CNBD1: variants seen among roughly 807,000 people sequenced by gnomAD.
The protein encoded by CNBD1 is cyclic nucleotide binding domain containing 1.
In CNBD1, 71 loss-of-function variants were observed where a neutral mutation model predicts 54.4. The observed-to-expected ratio is 1.30, with a 90% confidence interval of 1.08 to 1.59. The LOEUF (loss-of-function observed/expected upper bound fraction) is 1.59, where lower values mean the gene tolerates loss of function less well. Ranked by LOEUF, CNBD1 falls within the 40% of genes most tolerant of loss-of-function variation. The probability of loss-of-function intolerance (pLI) is 0.00; values close to 1 mark genes in which losing one functional copy is unlikely to be tolerated. For missense variants in CNBD1, 659 were observed against 518.0 expected, an observed-to-expected ratio of 1.27 and a Z score of -2.64; for synonymous variants, 182 against 170.7, an observed-to-expected ratio of 1.07 and a Z score of -0.51.
At chr8:87,403,665 T>A (rs1807604628) in intron 2 of CNBD1, among the ~76,000 whole-genome samples, 1 of 152,110 alleles carries the variant, frequency 6.6e-6, no homozygotes, top group Non-Finnish European at 1.5e-5. Context: ...AGTAGCTTTT[T>A]TAAAAAAATT....
intron 8 of CNBD1, among the ~76,000 whole-genome samples, chr8:87,324,658 A>G (rs1200847529): frequency 6.6e-6 from 1 of 151,688 alleles, no homozygotes; most frequent in African/African-American, 2.4e-5. Flanking sequence ...TATCCACTTT[A>G]TCATTTTTTA....
chr8:87,339,751 A>G (rs1439465768), intron 8 of CNBD1, among the ~76,000 whole-genome samples: 1 of 152,112 alleles, frequency 6.6e-6, no homozygotes, highest in Admixed American at 6.6e-5. Context: ...CTGTCTATTT[A>G]AAACTGATAA....
At chr8:86,934,416 C>G (rs1413889403) in intron 3 of CNBD1, among the ~76,000 whole-genome samples, 2 of 151,984 alleles carry the variant, frequency 1.3e-5, no homozygotes, top group African/African-American at 4.8e-5. Context: ...TTTGGATATT[C>G]CATATATAAG....
intron 4 of CNBD1, among the ~76,000 whole-genome samples, chr8:87,180,322 T>C (rs1209487073): frequency 6.6e-6 from 1 of 152,190 alleles, no homozygotes; most frequent in East Asian, 1.9e-4. Context: ...TTTTGGAAAA[T>C]ACATATTATA....
intron 6 of CNBD1, among the ~76,000 whole-genome samples, chr8:87,278,117 AG>A (rs1316186444): frequency 6.6e-6 from 1 of 151,648 alleles, no homozygotes; most frequent in African/African-American, 2.4e-5. Flanking sequence ...AAAGTTGATT[AG>A]TAGAACATGT....
At chr8:87,374,432 G>C (rs1042993678) in intron 10 of CNBD1, among the ~76,000 whole-genome samples, 1 of 151,780 alleles carries the variant, frequency 6.6e-6, no homozygotes, top group East Asian at 1.9e-4. Flanking sequence ...CTTAAATCAA[G>C]ATCCTAATAA....
At chr8:87,052,887 A>G (rs1010582180) in intron 4 of CNBD1, among the ~76,000 whole-genome samples, 25 of 152,150 alleles carry the variant, frequency 1.6e-4, no homozygotes, top group African/African-American at 5.3e-4. Flanking sequence ...TTGTAGTAAA[A>G]AGGGAACTTG....
At chr8:87,319,416 C>A (rs1385455229) in intron 8 of CNBD1, among the ~76,000 whole-genome samples, 3 of 152,090 alleles carry the variant, frequency 2.0e-5, no homozygotes, top group Non-Finnish European at 4.4e-5. Flanking sequence ...GAATACAATT[C>A]TCTTCTCCTT....
intron 4 of CNBD1, among the ~76,000 whole-genome samples, chr8:87,001,081 C>T (rs1365525052): frequency 1.3e-5 from 2 of 151,976 alleles, no homozygotes; most frequent in African/African-American, 4.8e-5. Context: ...ATTGGACAGT[C>T]CTTGCTTTCT....
At chr8:86,891,245 A>AT (rs1808764412) in intron 2 of CNBD1, among the ~76,000 whole-genome samples, 1 of 151,994 alleles carries the variant, frequency 6.6e-6, no homozygotes, top group South Asian at 2.1e-4. Context: ...GTATTTAATC[A>AT]TTTTGAGTTT....
At chr8:87,289,134 C>T (rs72666844) in intron 8 of CNBD1, among the ~76,000 whole-genome samples, 10 of 152,124 alleles carry the variant, frequency 6.6e-5, no homozygotes, top group Non-Finnish European at 1.3e-4. Flanking sequence ...GATTTCCAAG[C>T]ATAATTATGT....
At chr8:87,315,179 G>A (rs1272819137) in intron 8 of CNBD1, among the ~76,000 whole-genome samples, 2 of 152,082 alleles carry the variant, frequency 1.3e-5, no homozygotes, top group African/African-American at 4.8e-5. Context: ...AAAGAGAGTA[G>A]GGAAAATAGT....
intron 8 of CNBD1, among the ~76,000 whole-genome samples, chr8:87,304,946 T>C (rs772981107): frequency 8.5e-5 from 13 of 152,078 alleles, no homozygotes; most frequent in Non-Finnish European, 1.5e-4. Context: ...GGCATCCAAA[T>C]TGGTAAAGAG....
chr8:87,186,456 A>G (rs79480792), intron 4 of CNBD1, among the ~76,000 whole-genome samples: 2,257 of 152,188 alleles, frequency 0.015, 23 homozygotes, highest in Middle Eastern at 0.051. Context: ...TCTCTACCCT[A>G]TTCCTAGTTA....
chr8:87,025,192 C>G (rs1348378282), intron 4 of CNBD1, among the ~76,000 whole-genome samples: 1 of 152,070 alleles, frequency 6.6e-6, no homozygotes, highest in Non-Finnish European at 1.5e-5. Flanking sequence ...ATGGACCAAT[C>G]AGCACTCTGT....
chr8:87,138,087 G>A (rs945334147), intron 4 of CNBD1, among the ~76,000 whole-genome samples: 1 of 152,090 alleles, frequency 6.6e-6, no homozygotes, highest in African/African-American at 2.4e-5. Flanking sequence ...TACCAGATAG[G>A]TTAGTTGACC....
intron 1 of CNBD1, among the ~76,000 whole-genome samples, chr8:86,883,677 C>G (rs1256340366): frequency 6.6e-6 from 1 of 151,876 alleles, no homozygotes; most frequent in African/African-American, 2.4e-5. Flanking sequence ...GGTTATTTGA[C>G]TAGAATCTAA....
intron 4 of CNBD1, among the ~76,000 whole-genome samples, chr8:87,029,408 C>G (rs1289451701): frequency 6.6e-6 from 1 of 152,154 alleles, no homozygotes; most frequent in African/African-American, 2.4e-5. Flanking sequence ...AATATAGAGT[C>G]AACCAAACTT....
chr8:87,145,402 C>G (rs1195464295), intron 4 of CNBD1, among the ~76,000 whole-genome samples: 1 of 152,082 alleles, frequency 6.6e-6, no homozygotes, highest in Non-Finnish European at 1.5e-5. Flanking sequence ...ACATTTAACA[C>G]ATGTTAACCA....
Sources: gnomAD v4.1 joint callset for allele counts (sites outside exome capture counted in the v4.1 genomes callset) on GRCh38, gnomAD v4.1.1 for gene constraint, MANE v1.5 for transcripts, NCBI Gene and HGNC (gene_info 2026-07-23, HGNC 2026-07-21) for gene names.